Variants in CDH18 observed in about 807,000 individuals in gnomAD.
CDH18 encodes cadherin 18.
A neutral mutation model predicts 67.9 loss-of-function variants in CDH18; 31 were observed. That is an observed-to-expected ratio of 0.46 (90% confidence interval 0.34 to 0.62). The LOEUF (loss-of-function observed/expected upper bound fraction) is 0.62. Among genes scored for constraint, CDH18 ranks in the 20% least tolerant of loss-of-function variants. The pLI is 0.01. For missense variants in CDH18, 890 were observed against 975.5 expected (o/e 0.91, Z 1.17); for synonymous variants, 362 against 347.2 (o/e 1.04, Z -0.48).
intron 1 of CDH18, among the ~76,000 whole-genome samples, chr5:20,552,759 A>ATT (rs548502852): frequency 6.8e-6 from 1 of 147,532 alleles, no homozygotes; most frequent in African/African-American, 2.5e-5. Flanking sequence ...ATGTCTTAAG[A>ATT]TTTTTTTTTT....
chr5:19,616,563 T>C (rs350668), intron 5 of CDH18, among the ~76,000 whole-genome samples: 113,124 of 151,964 alleles, frequency 0.74, 42,283 homozygotes, highest in South Asian at 0.8. Context: ...TAGAATATTG[T>C]TATTGGTTTT....
intron 1 of CDH18, among the ~76,000 whole-genome samples, chr5:20,471,981 A>ATCAAG (rs1752124762): frequency 0.11 from 3 of 28 alleles, no homozygotes; most frequent in South Asian, 0.5. Flanking sequence ...CTCCAAAATA[A>ATCAAG]ATTCACTGAA....
intron 5 of CDH18, among the ~76,000 whole-genome samples, chr5:19,627,306 C>T (rs536262714): frequency 6.6e-6 from 1 of 152,270 alleles, no homozygotes; most frequent in East Asian, 1.9e-4. Flanking sequence ...AAATGCAGCT[C>T]ATATTGATGA....
chr5:19,705,024 C>T (rs1394409124), intron 5 of CDH18, among the ~76,000 whole-genome samples: 3 of 152,186 alleles, frequency 2.0e-5, no homozygotes, highest in Non-Finnish European at 2.9e-5. Context: ...CAACCTGCAG[C>T]CTGCTAAGCG....
chr5:20,074,895 T>C (rs1222212793), intron 2 of CDH18, among the ~76,000 whole-genome samples: 1 of 152,212 alleles, frequency 6.6e-6, no homozygotes, highest in Non-Finnish European at 1.5e-5. Flanking sequence ...CTTTAATATA[T>C]ATTAACTGTA....
At chr5:19,614,175 A>G (rs1749456066) in intron 5 of CDH18, among the ~76,000 whole-genome samples, 1 of 151,970 alleles carries the variant, frequency 6.6e-6, no homozygotes, top group Non-Finnish European at 1.5e-5. Flanking sequence ...TTGTTTTGTC[A>G]TATTTTGAAT....
chr5:20,189,192 T>G (rs1471138536), intron 2 of CDH18, among the ~76,000 whole-genome samples: 1 of 152,106 alleles, frequency 6.6e-6, no homozygotes, highest in Non-Finnish European at 1.5e-5. Context: ...ACTTTTTTTT[T>G]GATCATTGGA....
intron 2 of CDH18, among the ~76,000 whole-genome samples, chr5:20,215,955 C>T (rs1166077511): frequency 6.6e-6 from 1 of 151,656 alleles, no homozygotes; most frequent in African/African-American, 2.4e-5. Flanking sequence ...AAAGGAAAAA[C>T]ACATATTAAG....
chr5:19,626,484 TAA>T (rs1751567922), intron 5 of CDH18, among the ~76,000 whole-genome samples: 1 of 152,078 alleles, frequency 6.6e-6, no homozygotes, highest in African/African-American at 2.4e-5. Context: ...CTGAGCACTA[TAA>T]ACAGTTATTC....
At chr5:20,404,775 A>T (rs1432282243) in intron 1 of CDH18, among the ~76,000 whole-genome samples, 1 of 152,172 alleles carries the variant, frequency 6.6e-6, no homozygotes, top group Non-Finnish European at 1.5e-5. Flanking sequence ...CTATTGAAAA[A>T]ATGACGTGAG....
intron 2 of CDH18, among the ~76,000 whole-genome samples, chr5:20,174,244 A>G (rs1445169433): frequency 1.3e-5 from 2 of 152,218 alleles, no homozygotes; most frequent in Admixed American, 6.5e-5. Context: ...TAAATAATAT[A>G]CAATGCATTT....
intron 1 of CDH18, among the ~76,000 whole-genome samples, chr5:20,565,054 G>A (rs887897747): frequency 1.3e-5 from 2 of 152,120 alleles, no homozygotes; most frequent in Non-Finnish European, 2.9e-5. Context: ...TCTCTTTCAT[G>A]TATGATCACC....
chr5:19,894,082 C>G (rs1308380577), intron 2 of CDH18, among the ~76,000 whole-genome samples: 1 of 151,818 alleles, frequency 6.6e-6, no homozygotes, highest in Non-Finnish European at 1.5e-5. Flanking sequence ...ATATTTATTT[C>G]TTTTTTAAAG....
At chr5:20,517,836 T>A (rs1508546) in intron 1 of CDH18, among the ~76,000 whole-genome samples, 13,860 of 152,054 alleles carry the variant, frequency 0.091, 1,690 homozygotes, top group African/African-American at 0.28. Flanking sequence ...GAGGTGATTG[T>A]GGTTGTTTCA....
intron 2 of CDH18, among the ~76,000 whole-genome samples, chr5:20,181,162 G>A (rs1473220413): frequency 6.6e-6 from 1 of 152,130 alleles, no homozygotes; most frequent in Non-Finnish European, 1.5e-5. Flanking sequence ...AATCAAAAGT[G>A]TGCTGAACTC....
rs576527371 is a variant in CDH18 at position 19,892,742 on chromosome 5, C to T, written c.-256-53500G>A. On this transcript the variant is annotated intron_variant, in intron 2 of 12. Coordinates refer to ENST00000382275, the MANE Select transcript of CDH18 (RefSeq NM_004934.5). Reference sequence around the variant, plus strand: ...GGCCCAGATAGAAAGGTACCGATTCCGAGAACATATGGGTGAGCTCATTTT... The same window carrying T: ...GGCCCAGATAGAAAGGTACCGATTCTGAGAACATATGGGTGAGCTCATTTT... 6.6e-5 allele frequency among the ~76,000 whole-genome samples: 10 copies of T among 152,084 alleles called. No individual in the cohort carries two copies. In the South Asian group the frequency reaches 1.0e-3, roughly 16 times the overall value.
intron 2 of CDH18, among the ~76,000 whole-genome samples, chr5:19,848,379 G>A (rs1482479235): frequency 6.6e-6 from 1 of 152,088 alleles, no homozygotes; most frequent in Non-Finnish European, 1.5e-5. Context: ...TATGATGAGA[G>A]GGTGCCACAC....
intron 1 of CDH18, among the ~76,000 whole-genome samples, chr5:20,275,350 T>C (rs962175102): frequency 6.6e-6 from 1 of 152,098 alleles, no homozygotes; most frequent in Non-Finnish European, 1.5e-5. Context: ...TGCCACCATA[T>C]GAAGAAGGTC....
At chr5:20,250,356 G>T (rs922923652) in intron 2 of CDH18, among the ~76,000 whole-genome samples, 1 of 150,098 alleles carries the variant, frequency 6.7e-6, no homozygotes, top group Admixed American at 6.6e-5. Flanking sequence ...GCAGCCGTGC[G>T]ATCAAGGCTC....
Sources: gnomAD v4.1 joint callset for allele counts (sites outside exome capture counted in the v4.1 genomes callset) on GRCh38, gnomAD v4.1.1 for gene constraint, MANE v1.5 for transcripts, NCBI Gene and HGNC (gene_info 2026-07-23, HGNC 2026-07-21) for gene names.